The following PSMC3IP variants were observed in gnomAD, a reference collection of about 807,000 sequenced individuals.
PSMC3IP encodes the protein PSMC3 interacting protein.
A neutral mutation model predicts 34.9 loss-of-function variants in PSMC3IP; 26 were observed. That is an observed-to-expected ratio of 0.74 (90% CI 0.55 to 1.03). The LOEUF (loss-of-function observed/expected upper bound fraction) is 1.03. Among genes scored for constraint, PSMC3IP ranks in the 50% least tolerant of loss-of-function variants. PSMC3IP has a pLI of 0.00. For missense variants in PSMC3IP, 250 were observed against 263.1 expected (o/e 0.95, Z 0.34); for synonymous variants, 87 against 96.5 (o/e 0.90, Z 0.57).
rs746971903 is a variant in PSMC3IP at position 42,573,618 on chromosome 17, T to A, written c.343A>T (p.Lys115Ter). ...QSCRYMEAEL[K>*]ELSSALTTPE... ...GTGGTCAGGGCACTAGATAATTCCT[T>A]GAGCTCTGAAACCACATCCGCCTGG... The change falls in exon 5 of 8, where the codon AAG (lysine) becomes TAG (stop). Residue 115 changes from lysine to a stop codon, truncating the protein, a stop_gained. Transcript: ENST00000393795. LOFTEE classifies it high-confidence loss of function. The A allele has an allele frequency of 1.2e-6, 2 of 1,614,126 alleles. No homozygotes were observed. Among genetic ancestry groups the A allele is most frequent in the Non-Finnish European group, 1.7e-6 (2 of 1,179,956 alleles).
At position 42,572,573 on chromosome 17, in the gene PSMC3IP, C is replaced by G. The variant is rs746658522; in HGVS notation, c.*395G>C. ...GGCCCTCCAAATGCTCGTTTTATAG[C>G]AACCTCTCTCTACCCTAGTTCTCCA... On this transcript the variant is annotated 3_prime_UTR_variant, in exon 8 of 8. Transcript: ENST00000393795. 2 of 453,804 alleles carry G rather than the reference C, an allele frequency of 4.4e-6. No individual in the cohort carries two copies. The highest frequency in any genetic ancestry group is 3.1e-5 in the South Asian group (2 of 64,144). 28.1% of individuals were successfully genotyped at this position (453,804 alleles called of 1,614,324 possible). A position where few individuals can be genotyped will look rare whatever the true frequency, so the allele number is the denominator to read the frequency against.
intron 3 of PSMC3IP, among the ~76,000 whole-genome samples, chr17:42,575,153 T>TGGGGGA (rs2093067467): frequency 6.6e-6 from 1 of 150,934 alleles, no homozygotes; most frequent in African/African-American, 2.4e-5. Flanking sequence ...AGTGTGGGGG[T>TGGGGGA]GGGGGAGGTC....
chr17:42,573,956 T>C (rs1438514609), intron 4 of PSMC3IP, 143 bp downstream of exon 4: 1 of 1,537,966 alleles, frequency 6.5e-7, no homozygotes, highest in African/African-American at 1.4e-5. Flanking sequence ...TATCCTACAT[T>C]TCTTTTTATG....
intron 2 of PSMC3IP, 72 bp from the exon 3 acceptor site, chr17:42,577,374 G>C: frequency 1.2e-6 from 2 of 1,607,846 alleles, no homozygotes; most frequent in Non-Finnish European, 1.7e-6. Flanking sequence ...CCAGTGATGT[G>C]GAAAACGCCC....
chr17:42,575,727 G>A (rs2093070925), intron 3 of PSMC3IP, among the ~76,000 whole-genome samples: 1 of 152,136 alleles, frequency 6.6e-6, no homozygotes, highest in Non-Finnish European at 1.5e-5. Flanking sequence ...GTAAGGGCCA[G>A]GCTGGGCACA....
rs1272106416 is a variant in PSMC3IP, at chr17:42,573,062, G to A, written c.598-38C>T. 9.3e-6 allele frequency: 15 copies of A among 1,614,004 alleles called. No individual in the cohort carries two copies. In the Admixed American group the frequency reaches 2.3e-4, roughly 25 times the overall value. Reference sequence around the variant, plus strand: ...GAGACAAGTGAATGAGATGTCACCAGGATAAGACCACAGGGAAGCAAAGAA... The same window carrying A: ...GAGACAAGTGAATGAGATGTCACCAAGATAAGACCACAGGGAAGCAAAGAA... On this transcript the variant is annotated intron_variant, in intron 7 of 7. Transcript: ENST00000393795.
chr17:42,573,439 T>C (rs1331231211), intron 5 of PSMC3IP, 39 bp downstream of exon 5: 2 of 1,614,272 alleles, frequency 1.2e-6, no homozygotes, highest in East Asian at 4.5e-5. Context: ...TGATGTTCAC[T>C]CTGGACCTGC....
chr17:42,574,971 C>G (rs1257259914), intron 3 of PSMC3IP, among the ~76,000 whole-genome samples: 2 of 152,218 alleles, frequency 1.3e-5, no homozygotes, highest in Non-Finnish European at 2.9e-5. Context: ...CCAGGCTGGT[C>G]TCAAACTCCT....
chr17:42,573,432 T>C (rs770112512), intron 5 of PSMC3IP, 46 bp downstream of exon 5: 1 of 1,614,260 alleles, frequency 6.2e-7, no homozygotes, highest in South Asian at 1.1e-5. Flanking sequence ...TCAGCCCTGA[T>C]GTTCACTCTG....
At position 42,572,799 on chromosome 17, in the gene PSMC3IP, T is replaced by G. The variant is rs1310820314; in HGVS notation, c.*169A>C. The stretch of plus-strand genomic sequence containing the variant: ...TGGGTCTACCCCCAGCCACCAGCCC[T>G]CATCCTCTCTACCCAGTGCTCTGGT... On this transcript the variant is annotated 3_prime_UTR_variant, in exon 8 of 8. Transcript: ENST00000393795. The G allele has an allele frequency of 1.3e-6, 1 of 799,186 alleles. No homozygotes were observed. The highest frequency in any genetic ancestry group is 1.7e-5 in the African/African-American group (1 of 58,906). 49.5% of individuals were successfully genotyped at this position (799,186 alleles called of 1,614,324 possible).
chr17:42,576,019 TCAA>T (rs565806254), intron 3 of PSMC3IP, among the ~76,000 whole-genome samples: 59 of 151,910 alleles, frequency 3.9e-4, no homozygotes, highest in Middle Eastern at 3.4e-3. Context: ...AGACTCCGTC[TCAA>T]CAACAACAAC....
At chr17:42,574,247 G>A (rs1291675440) in intron 3 of PSMC3IP, 37 bp from the exon 4 acceptor site, 1 of 1,601,280 alleles carries the variant, frequency 6.2e-7, no homozygotes. Context: ...GTGAACTGTT[G>A]TGAGGCACAA....
chr17:42,574,203 A>T lies in PSMC3IP; in HGVS notation c.233T>A (p.Phe78Tyr), dbSNP rs1450988899. 1.2e-6 allele frequency: 2 copies of T among 1,613,902 alleles called. No homozygotes were observed. The highest frequency in any genetic ancestry group is 1.7e-6 in the Non-Finnish European group (2 of 1,179,972). Reference protein sequence around the residue: ...QKIYFADQDQFDMVSDADLQV... With the variant: ...QKIYFADQDQYDMVSDADLQV... ...AAGGTCAGCATCACTCACCATGTCA[A>T]ACTGGTCCTGCCAGACAAAGAGGGA... The change falls in exon 4 of 8, where the codon TTT becomes TAT. Residue 78 changes from phenylalanine to tyrosine, a missense_variant. Coordinates refer to ENST00000393795, the MANE Select transcript of PSMC3IP (RefSeq NM_016556.4).
intron 3 of PSMC3IP, among the ~76,000 whole-genome samples, chr17:42,576,271 G>A (rs1455524049): frequency 6.6e-6 from 1 of 152,234 alleles, no homozygotes; most frequent in Non-Finnish European, 1.5e-5. Flanking sequence ...CCAGAGGCTG[G>A]CTGGGGCGTC....
intron 1 of PSMC3IP, 43 bp downstream of exon 1, chr17:42,577,610 C>T: frequency 3.7e-6 from 6 of 1,614,164 alleles, no homozygotes; most frequent in African/African-American, 1.3e-5. Flanking sequence ...ACCTCCTCAC[C>T]CACTGCCCTC....
chr17:42,574,954 A>G (rs914427510), intron 3 of PSMC3IP, among the ~76,000 whole-genome samples: 18 of 152,138 alleles, frequency 1.2e-4, no homozygotes, highest in African/African-American at 3.6e-4. Flanking sequence ...GGGTTTCACC[A>G]CGTTGCCCAG....
chr17:42,573,649 C>T (rs570233638), intron 4 of PSMC3IP, 26 bp from the exon 5 acceptor site: 1 of 1,612,706 alleles, frequency 6.2e-7, no homozygotes, highest in East Asian at 2.2e-5. Context: ...CCTGGGGTCA[C>T]TTGCTACCCC....
chr17:42,577,149 A>C, intron 3 of PSMC3IP, 64 bp downstream of exon 3: 2 of 1,611,550 alleles, frequency 1.2e-6, no homozygotes, highest in Non-Finnish European at 1.7e-6. Flanking sequence ...AAGAGTTCAC[A>C]CCAGGAGTAG....
intron 3 of PSMC3IP, 26 bp from the exon 4 acceptor site, chr17:42,574,236 A>C: frequency 6.2e-7 from 1 of 1,609,422 alleles, no homozygotes; most frequent in Non-Finnish European, 8.5e-7. Context: ...GGAAAATACA[A>C]GTGAACTGTT....
Sources: gnomAD v4.1 joint callset for allele counts (sites outside exome capture counted in the v4.1 genomes callset) on GRCh38, gnomAD v4.1.1 for gene constraint, MANE v1.5 for transcripts, NCBI Gene and HGNC (gene_info 2026-07-23, HGNC 2026-07-21) for gene names.